The following SPAG16 variants were observed in gnomAD, a reference collection of about 807,000 sequenced individuals.
SPAG16 encodes the protein sperm-associated antigen 16 protein.
In SPAG16, 86 loss-of-function variants were observed where a neutral mutation model predicts 80.4. That is an observed-to-expected ratio of 1.07 (90% CI 0.90 to 1.28). The LOEUF (loss-of-function observed/expected upper bound fraction) is 1.28. Ranked by LOEUF, SPAG16 falls within the 50% of genes most tolerant of loss-of-function variation. The pLI is 0.00. For missense variants in SPAG16, 870 were observed against 765.3 expected (o/e 1.14, Z -1.61); for synonymous variants, 294 against 265.9 (o/e 1.11, Z -1.03).
At chr2:213,981,173 G>A (rs148703609) in intron 12 of SPAG16, among the ~76,000 whole-genome samples, 180 of 152,194 alleles carry the variant, frequency 1.2e-3, no homozygotes, top group African/African-American at 4.2e-3. Context: ...AGAGCCTTCG[G>A]GTTTGAATGC....
At chr2:214,176,953 T>A (rs182241585) in intron 15 of SPAG16, among the ~76,000 whole-genome samples, 1 of 151,226 alleles carries the variant, frequency 6.6e-6, no homozygotes. Context: ...TAAGCTTTTT[T>A]TAAAAAAATT....
At chr2:213,615,857 C>A (rs1286267926) in intron 10 of SPAG16, among the ~76,000 whole-genome samples, 4 of 151,786 alleles carry the variant, frequency 2.6e-5, no homozygotes, top group Admixed American at 2.6e-4. Flanking sequence ...TTACTTTTTG[C>A]AGTATCACAA....
rs758953577 is a variant in SPAG16 at position 213,862,528 on chromosome 2, G to A, written c.1114G>A (p.Glu372Lys). 4.2e-5 allele frequency: 67 copies of A among 1,613,984 alleles called. No homozygotes were observed. The highest frequency in any genetic ancestry group is 9.9e-5 in the South Asian group (9 of 91,080). The change falls in exon 11 of 16, where the codon GAG becomes AAG. Residue 372 changes from glutamate to lysine, a missense_variant. Physicochemically the swap from Glu to Lys is moderately conservative, Grantham distance 56. Coordinates refer to ENST00000331683, the MANE Select transcript of SPAG16 (RefSeq NM_024532.5). ...CAAAGACATCCTAGTCTCCTGTGGC[G>A]AGGACCGACTCTGGAAGGTGTTGGG... ...PHKDILVSCGEDRLWKVLGLP... is the reference protein window; with the variant it reads ...PHKDILVSCGKDRLWKVLGLP...
Position 213,841,784 on chromosome 2 carries a change from A to G in SPAG16, c.1071-20701A>G, listed in dbSNP as rs570221503. On this transcript the variant is annotated intron_variant, in intron 10 of 15. Coordinates refer to ENST00000331683, the MANE Select transcript of SPAG16 (RefSeq NM_024532.5). ...CTTCAAAACCCATAATAAATACTGT[A>G]TATCAATGTTTTGGGGCTTACACCT... Among the ~76,000 whole-genome samples, 6 of 152,290 alleles carry G rather than the reference A, an allele frequency of 3.9e-5. No homozygotes were observed. The East Asian group carries it at 1.2e-3, about 29-fold the overall frequency.
At chr2:213,526,218 T>A (rs1419369869) in intron 10 of SPAG16, among the ~76,000 whole-genome samples, 1 of 152,204 alleles carries the variant, frequency 6.6e-6, no homozygotes, top group Non-Finnish European at 1.5e-5. Flanking sequence ...AATTATATCA[T>A]AATGTATCAC....
chr2:213,374,988 A>AATAAATTAT, intron 8 of SPAG16, 22 bp from the exon 9 acceptor site: 1 of 1,526,160 alleles, frequency 6.6e-7, no homozygotes, highest in African/African-American at 1.4e-5. Flanking sequence ...AAATATTAAG[A>AATAAATTAT]ATAAATTATA....
At chr2:213,654,387 A>G (rs1177124543) in intron 10 of SPAG16, among the ~76,000 whole-genome samples, 2 of 151,612 alleles carry the variant, frequency 1.3e-5, no homozygotes, top group African/African-American at 4.8e-5. Flanking sequence ...GTTTGTTTTA[A>G]TGTTAGCATA....
chr2:214,091,584 TG>T (rs2052213964), intron 13 of SPAG16, among the ~76,000 whole-genome samples: 1 of 152,158 alleles, frequency 6.6e-6, no homozygotes, highest in African/African-American at 2.4e-5. Flanking sequence ...ACTTATTCAG[TG>T]TATGCAATTA....
At chr2:213,362,693 C>T (rs2066050880) in intron 7 of SPAG16, among the ~76,000 whole-genome samples, 1 of 152,156 alleles carries the variant, frequency 6.6e-6, no homozygotes, top group African/African-American at 2.4e-5. Context: ...AAAATACTGT[C>T]AGACTAATGC....
chr2:213,423,774 G>T (rs1356402979), intron 9 of SPAG16, among the ~76,000 whole-genome samples: 1 of 151,990 alleles, frequency 6.6e-6, no homozygotes, highest in Non-Finnish European at 1.5e-5. Flanking sequence ...ATTAATTTTT[G>T]CCAGGTCATT....
intron 1 of SPAG16, among the ~76,000 whole-genome samples, chr2:213,285,722 A>G (rs1426838297): frequency 2.0e-5 from 3 of 152,354 alleles, no homozygotes; most frequent in Middle Eastern, 3.4e-3. Context: ...TGCAAAAACG[A>G]CTTTTACAGG....
intron 12 of SPAG16, among the ~76,000 whole-genome samples, chr2:213,942,653 G>T (rs1188004479): frequency 6.6e-6 from 1 of 152,136 alleles, no homozygotes; most frequent in Non-Finnish European, 1.5e-5. Flanking sequence ...CATAGTGGCA[G>T]AAATGGTCCA....
At chr2:213,428,598 G>A (rs1202490081) in intron 9 of SPAG16, among the ~76,000 whole-genome samples, 2 of 152,204 alleles carry the variant, frequency 1.3e-5, no homozygotes, top group Non-Finnish European at 2.9e-5. Context: ...TGCTCCAGCT[G>A]TGGGCATTTT....
intron 13 of SPAG16, among the ~76,000 whole-genome samples, chr2:214,039,153 C>T: frequency 6.6e-6 from 1 of 152,080 alleles, no homozygotes; most frequent in Non-Finnish European, 1.5e-5. Flanking sequence ...GTTTACAGTC[C>T]CACCAACAGT....
chr2:214,239,155 A>G (rs1689289919), intron 15 of SPAG16: 1 of 152,150 alleles, frequency 6.6e-6, no homozygotes, highest in South Asian at 2.1e-4. Context: ...TTTAGCCTCC[A>G]GAATAGCTAA....
At chr2:213,925,296 T>C (rs1048037300) in intron 11 of SPAG16, among the ~76,000 whole-genome samples, 8 of 152,080 alleles carry the variant, frequency 5.3e-5, no homozygotes, top group Admixed American at 3.9e-4. Context: ...GTAATTTCTG[T>C]AGGAGAGGAC....
At chr2:213,501,988 T>G (rs1278791463) in intron 10 of SPAG16, among the ~76,000 whole-genome samples, 2 of 152,196 alleles carry the variant, frequency 1.3e-5, no homozygotes, top group Non-Finnish European at 2.9e-5. Flanking sequence ...TTAACCAAAG[T>G]GGTTTAAGAA....
chr2:213,679,239 T>C (rs2064258379), intron 10 of SPAG16, among the ~76,000 whole-genome samples: 1 of 152,236 alleles, frequency 6.6e-6, no homozygotes, highest in African/African-American at 2.4e-5. Flanking sequence ...CATGTAAAAT[T>C]GCTTTGACTG....
intron 15 of SPAG16, among the ~76,000 whole-genome samples, chr2:214,370,223 G>A (rs1699723897): frequency 1.3e-5 from 2 of 151,954 alleles, no homozygotes; most frequent in Admixed American, 6.6e-5. Flanking sequence ...ATATTAAACT[G>A]ACATTATGTA....
Sources: allele counts gnomAD v4.1 joint callset (sites outside exome capture counted in the v4.1 genomes callset), GRCh38; gene constraint gnomAD v4.1.1; transcripts MANE v1.5; gene names NCBI Gene and HGNC (gene_info 2026-07-23, HGNC 2026-07-21).